The following GRIK2 variants were observed in gnomAD, a reference collection of about 807,000 sequenced individuals.
The protein encoded by GRIK2 is glutamate ionotropic receptor kainate type subunit 2.
In GRIK2, 32 loss-of-function variants were observed where a neutral mutation model predicts 100.3. The ratio of observed to expected loss-of-function variants is 0.32; its 90% CI spans 0.24 to 0.43. GRIK2 has a LOEUF of 0.43. GRIK2 is among the 20% of genes least tolerant of loss of function. The pLI, the probability that GRIK2 is intolerant of heterozygous loss-of-function variation, is 1.00. For missense variants in GRIK2, 843 were observed against 1,114.9 expected, an observed-to-expected ratio of 0.76 and a Z score of 3.47; for synonymous variants, 417 against 389.4, an observed-to-expected ratio of 1.07 and a Z score of -0.83.
chr6:101,701,202 A>G (rs1477073638), intron 7 of GRIK2, among the ~76,000 whole-genome samples: 1 of 152,140 alleles, frequency 6.6e-6, no homozygotes, highest in African/African-American at 2.4e-5. Flanking sequence ...ACAATCCTTC[A>G]GAGAAAAAGA....
intron 7 of GRIK2, among the ~76,000 whole-genome samples, chr6:101,735,599 G>T (rs573587973): frequency 6.6e-6 from 1 of 151,744 alleles, no homozygotes; most frequent in South Asian, 2.1e-4. Context: ...ATCAGACCTC[G>T]TGAGACTTAT....
chr6:101,748,731 A>G lies in GRIK2; in HGVS notation c.952-50917A>G, dbSNP rs184132027. Among the ~76,000 whole-genome samples, 3 of 152,316 alleles carry G rather than the reference A, an allele frequency of 2.0e-5. No homozygotes were observed. The East Asian group carries it at 5.8e-4, about 29-fold the overall frequency. ...ATTCGCCAGGACAATTGTCTCCAGC[A>G]GTTTGATTGACTATCACTCAAAATA... is the stretch of plus-strand genomic sequence containing the variant. On this transcript the variant is annotated intron_variant, in intron 7 of 16. Transcript: ENST00000369134.
intron 14 of GRIK2, among the ~76,000 whole-genome samples, chr6:101,947,062 A>G (rs892237173): frequency 4.6e-5 from 7 of 152,190 alleles, no homozygotes; most frequent in East Asian, 1.9e-4. Flanking sequence ...AGTCAAAGAA[A>G]TAATTTACGA....
intron 2 of GRIK2, among the ~76,000 whole-genome samples, chr6:101,579,175 G>A (rs630511): frequency 0.018 from 2,674 of 152,168 alleles, 84 homozygotes; most frequent in African/African-American, 0.061. Context: ...TACATATAGT[G>A]TTATTCTCCT....
intron 4 of GRIK2, among the ~76,000 whole-genome samples, chr6:101,634,756 A>C (rs986653667): frequency 6.6e-6 from 1 of 152,052 alleles, no homozygotes; most frequent in Non-Finnish European, 1.5e-5. Context: ...ATATTTACCA[A>C]ATTGAGCCTA....
intron 2 of GRIK2, among the ~76,000 whole-genome samples, chr6:101,572,770 T>A (rs1258594547): frequency 6.8e-6 from 1 of 146,430 alleles, no homozygotes. Flanking sequence ...TTTTTTTTTT[T>A]TAGAATCACT....
At chr6:102,005,034 G>A (rs561521802) in intron 14 of GRIK2, among the ~76,000 whole-genome samples, 1 of 151,686 alleles carries the variant, frequency 6.6e-6, no homozygotes, top group South Asian at 2.1e-4. Flanking sequence ...AGAAATAGCA[G>A]CTTCTCATGT....
intron 12 of GRIK2, among the ~76,000 whole-genome samples, chr6:101,912,805 T>A (rs1323799972): frequency 6.6e-6 from 1 of 151,628 alleles, no homozygotes; most frequent in Non-Finnish European, 1.5e-5. Context: ...AGGAAATGCA[T>A]CTTATGAGGT....
At chr6:101,499,956 G>GT (rs935022524) in intron 2 of GRIK2, among the ~76,000 whole-genome samples, 1 of 152,060 alleles carries the variant, frequency 6.6e-6, no homozygotes, top group East Asian at 1.9e-4. Context: ...GGCTATCCTT[G>GT]TTTTTTTATG....
At chr6:101,978,287 T>C (rs1349512214) in intron 14 of GRIK2, among the ~76,000 whole-genome samples, 1 of 151,998 alleles carries the variant, frequency 6.6e-6, no homozygotes, top group African/African-American at 2.4e-5. Context: ...TATATGCACT[T>C]AATTATACAT....
chr6:101,796,751 G>A (rs956784161), intron 7 of GRIK2, among the ~76,000 whole-genome samples: 1 of 152,064 alleles, frequency 6.6e-6, no homozygotes, highest in Non-Finnish European at 1.5e-5. Context: ...TCACCATTTT[G>A]CCCAGACTGG....
At chr6:101,974,582 G>A (rs940765236) in intron 14 of GRIK2, among the ~76,000 whole-genome samples, 10 of 152,098 alleles carry the variant, frequency 6.6e-5, no homozygotes, top group African/African-American at 2.2e-4. Flanking sequence ...CTCCGGCAGG[G>A]GAATGCTACA....
intron 2 of GRIK2, among the ~76,000 whole-genome samples, chr6:101,593,622 A>G (rs1449361281): frequency 6.6e-6 from 1 of 151,922 alleles, no homozygotes; most frequent in Non-Finnish European, 1.5e-5. Flanking sequence ...AAAGGCAGTC[A>G]ACAGATTTTA....
chr6:101,395,475 G>T (rs751364485), intron 1 of GRIK2, among the ~76,000 whole-genome samples: 3 of 152,130 alleles, frequency 2.0e-5, no homozygotes, highest in Non-Finnish European at 2.9e-5. Context: ...CCAGCAAAAG[G>T]TATAGGCATT....
rs192878979 is a variant in GRIK2, at chr6:101,736,539, C to T, written c.951+50186C>T. 1.5e-3 allele frequency among the ~76,000 whole-genome samples: 236 copies of T among 152,306 alleles called. 3 individuals are homozygous for T. Among genetic ancestry groups the T allele is most frequent in the Middle Eastern group, 6.8e-3 (2 of 294 alleles). ...GCTGCCAAGGCTTGGGGCTTGCACC[C>T]TCTGAAGCCACAGCCTGAGCTCTAC... On this transcript the variant is annotated intron_variant, in intron 7 of 16. Transcript: ENST00000369134.
intron 14 of GRIK2, among the ~76,000 whole-genome samples, chr6:101,969,368 A>T (rs1792894079): frequency 6.6e-6 from 1 of 151,952 alleles, no homozygotes; most frequent in African/African-American, 2.4e-5. Flanking sequence ...ATAGCTTCAA[A>T]ATATTTGTTC....
intron 2 of GRIK2, among the ~76,000 whole-genome samples, chr6:101,518,254 A>G (rs1184519135): frequency 6.6e-6 from 1 of 152,180 alleles, no homozygotes; most frequent in African/African-American, 2.4e-5. Flanking sequence ...CTGTTAATGT[A>G]TTATAGCATT....
chr6:101,779,314 A>AT (rs1486754505), intron 7 of GRIK2, among the ~76,000 whole-genome samples: 1 of 152,166 alleles, frequency 6.6e-6, no homozygotes, highest in African/African-American at 2.4e-5. Context: ...TACACATTCC[A>AT]TTCTTAAAAG....
At chr6:101,584,022 G>C (rs570207169) in intron 2 of GRIK2, among the ~76,000 whole-genome samples, 1 of 152,042 alleles carries the variant, frequency 6.6e-6, no homozygotes, top group African/African-American at 2.4e-5. Context: ...TGGCATGATG[G>C]CTGCAGTTGA....
Sources: gnomAD v4.1 joint callset for allele counts (sites outside exome capture counted in the v4.1 genomes callset) on GRCh38, gnomAD v4.1.1 for gene constraint, MANE v1.5 for transcripts, NCBI Gene and HGNC (gene_info 2026-07-23, HGNC 2026-07-21) for gene names.